Variants in SLC25A12 observed in about 807,000 individuals in gnomAD.
SLC25A12 encodes the protein electrogenic aspartate/glutamate antiporter SLC25A12, mitochondrial.
In SLC25A12, 32 loss-of-function variants were observed where a neutral mutation model predicts 83.3. The observed-to-expected ratio is 0.38, with a 90% confidence interval of 0.29 to 0.52. The LOEUF is 0.52. Ranked by LOEUF, SLC25A12 falls within the 20% of genes least tolerant of loss-of-function variation. The pLI, the probability that SLC25A12 is intolerant of heterozygous loss-of-function variation, is 0.84. For synonymous variants in SLC25A12, 267 were observed against 291.1 expected, an observed-to-expected ratio of 0.92 and a Z score of 0.84; for missense variants, 611 against 835.6, an observed-to-expected ratio of 0.73 and a Z score of 3.31.
chr2:171,868,315 T>A (rs867236728), intron 3 of SLC25A12, among the ~76,000 whole-genome samples: 1 of 147,334 alleles, frequency 6.8e-6, no homozygotes, highest in Middle Eastern at 3.5e-3. Context: ...TTTTTAATTT[T>A]TTTTTTTTTT....
At chr2:171,865,260 T>C (rs1685261584) in intron 3 of SLC25A12, among the ~76,000 whole-genome samples, 1 of 152,118 alleles carries the variant, frequency 6.6e-6, no homozygotes, top group Non-Finnish European at 1.5e-5. Context: ...CCGTGAAATA[T>C]TTTTTCGAAA....
chr2:171,866,582 G>C (rs1253544053), intron 3 of SLC25A12, among the ~76,000 whole-genome samples: 8 of 132,470 alleles, frequency 6.0e-5, no homozygotes, highest in South Asian at 2.4e-4. Flanking sequence ...CTGGCCGGGC[G>C]GGGGGCTGAC....
chr2:171,838,157 T>TA (rs1447808175), intron 5 of SLC25A12, among the ~76,000 whole-genome samples: 2 of 152,250 alleles, frequency 1.3e-5, no homozygotes, highest in African/African-American at 4.8e-5. Flanking sequence ...TAGTCATATC[T>TA]AAGTATATAC....
At chr2:171,786,246 C>T (rs1335098930) in intron 17 of SLC25A12, among the ~76,000 whole-genome samples, 1 of 150,970 alleles carries the variant, frequency 6.6e-6, no homozygotes, top group African/African-American at 2.4e-5. Context: ...TAGCCAGGCG[C>T]GGTGGTGGGC....
intron 2 of SLC25A12, among the ~76,000 whole-genome samples, chr2:171,885,548 T>C (rs1047802676): frequency 6.6e-6 from 1 of 151,948 alleles, no homozygotes; most frequent in African/African-American, 2.4e-5. Flanking sequence ...GGCATGTGTC[T>C]GTAATCCCAG....
Position 171,784,941 on chromosome 2 carries a change from G to A in SLC25A12, c.*333C>T, listed in dbSNP as rs1223156567. On this transcript the variant is annotated 3_prime_UTR_variant, in exon 18 of 18. Transcript: ENST00000422440. ...TACATTTCTACAAATGTGATTTGTTGGGATGAGGTGCCAAGATGTCTCTGT... is the reference window on the plus strand; with the variant it reads ...TACATTTCTACAAATGTGATTTGTTAGGATGAGGTGCCAAGATGTCTCTGT... 3.2e-6 allele frequency: 1 copy of A among 308,948 alleles called. No homozygotes were observed. Among genetic ancestry groups the A allele is most frequent in the Non-Finnish European group, 6.3e-6 (1 of 158,100 alleles). The allele number at this position is 308,948 out of a possible 1,614,324, so 19.1% of individuals were successfully genotyped here.
In SLC25A12 at chr2:171,791,512, A is replaced by T. The variant is rs1351608711; in HGVS notation, c.1524T>A (p.Leu508=). 1 of 1,613,896 alleles carries T rather than the reference A, an allele frequency of 6.2e-7. No homozygotes were observed. The highest frequency in any genetic ancestry group is 8.5e-7 in the Non-Finnish European group (1 of 1,179,870). Residue 508 remains leucine (L), a synonymous_variant, in exon 15 of 18, where the codon CTT becomes CTA. Coordinates refer to ENST00000422440, the MANE Select transcript of SLC25A12 (RefSeq NM_003705.5). The part of the protein sequence containing the change: ...YFPVYAHCKL[L]LADENGHVGG... ...CCACGTGTCCATTTTCATCAGCCAG[A>T]AGTAGTTTGCAATGAGCATAAACAG...
At chr2:171,876,488 T>C (rs747051698) in intron 2 of SLC25A12, among the ~76,000 whole-genome samples, 4 of 145,500 alleles carry the variant, frequency 2.7e-5, no homozygotes, top group Non-Finnish European at 4.5e-5. Context: ...AAAGAAAAGC[T>C]GGTACCTCAA....
At chr2:171,873,140 A>G (rs942159120) in intron 2 of SLC25A12, among the ~76,000 whole-genome samples, 1 of 152,160 alleles carries the variant, frequency 6.6e-6, no homozygotes, top group Non-Finnish European at 1.5e-5. Context: ...GAGACTGGTA[A>G]GTGGCTATTA....
At chr2:171,870,837 GT>G (rs1367572644) in intron 2 of SLC25A12, among the ~76,000 whole-genome samples, 1 of 152,198 alleles carries the variant, frequency 6.6e-6, no homozygotes, top group Non-Finnish European at 1.5e-5. Context: ...ATGATTGTTG[GT>G]TTGCTTTCTA....
chr2:171,892,169 A>G (rs1300834585), intron 2 of SLC25A12, among the ~76,000 whole-genome samples: 3 of 152,242 alleles, frequency 2.0e-5, no homozygotes, highest in African/African-American at 4.8e-5. Context: ...AAAGTTCTCA[A>G]AAGATTTCAG....
chr2:171,834,044 T>C lies in SLC25A12; in HGVS notation c.764A>G (p.Gln255Arg). ...GACTTGTCCATAGCGTATGGCACTC[T>C]GGGCAAATTCCTCTGGAACAGAGAA... ...DVEVTKEEFA[Q>R]SAIRYGQVTP... The change falls in exon 8 of 18, where the codon CAG becomes CGG. Residue 255 changes from glutamine (Q) to arginine (R), a missense_variant. Gln to Arg is a conservative substitution (Grantham distance 43, BLOSUM62 1). Coordinates refer to ENST00000422440, the MANE Select transcript of SLC25A12 (RefSeq NM_003705.5). 1.2e-6 allele frequency: 2 copies of C among 1,603,438 alleles called. No individual in the cohort carries two copies. Among genetic ancestry groups the C allele is most frequent in the Non-Finnish European group, 1.7e-6 (2 of 1,170,492 alleles).
intron 13 of SLC25A12, among the ~76,000 whole-genome samples, chr2:171,794,237 T>G (rs1219388659): frequency 6.6e-6 from 1 of 152,232 alleles, no homozygotes; most frequent in African/African-American, 2.4e-5. Context: ...ACCCACTTGC[T>G]TCTGCTTCCT....
intron 13 of SLC25A12, among the ~76,000 whole-genome samples, chr2:171,796,659 G>A (rs1683603275): frequency 6.6e-6 from 1 of 151,002 alleles, no homozygotes; most frequent in Non-Finnish European, 1.5e-5. Flanking sequence ...TTTTTTTTTA[G>A]TAATTAGTAT....
In SLC25A12 at chr2:171,865,141, T is replaced by A. The variant is rs1685259184; in HGVS notation, c.209+3540A>T. Among the ~76,000 whole-genome samples, 3 of 152,250 alleles carry A rather than the reference T, an allele frequency of 2.0e-5. 1 individual carries two copies. In the Middle Eastern group the frequency reaches 0.01, roughly 518 times the overall value. On this transcript the variant is annotated intron_variant, in intron 3 of 17. Transcript: ENST00000422440. Reference sequence around the variant, plus strand: ...TTAATAATTCCAGCACCAAGAACAGTACCTGAGGCATAGCAGGCACTCAAT... The same window carrying A: ...TTAATAATTCCAGCACCAAGAACAGAACCTGAGGCATAGCAGGCACTCAAT...
At chr2:171,869,976 TC>T (rs1685424464) in intron 2 of SLC25A12, among the ~76,000 whole-genome samples, 1 of 152,240 alleles carries the variant, frequency 6.6e-6, no homozygotes, top group Admixed American at 6.5e-5. Flanking sequence ...TGCTTTTTTT[TC>T]CCTCAGCACC....
chr2:171,868,400 A>C (rs1392003372), intron 3 of SLC25A12, among the ~76,000 whole-genome samples: 8 of 135,482 alleles, frequency 5.9e-5, no homozygotes, highest in African/African-American at 2.2e-4. Context: ...CACAACCTCC[A>C]CCTCCCGGAT....
intron 6 of SLC25A12, among the ~76,000 whole-genome samples, chr2:171,836,860 T>C (rs900439850): frequency 6.6e-6 from 1 of 151,130 alleles, no homozygotes; most frequent in African/African-American, 2.4e-5. Context: ...AGCAAGATGG[T>C]GGCTCTGAAT....
intron 4 of SLC25A12, chr2:171,845,616 T>C (rs1162767020): frequency 5.4e-6 from 1 of 186,692 alleles, no homozygotes; most frequent in African/African-American, 2.4e-5. Flanking sequence ...TGATCTCATA[T>C]TGTAAATGGT....
Sources: allele counts gnomAD v4.1 joint callset (sites outside exome capture counted in the v4.1 genomes callset), GRCh38; gene constraint gnomAD v4.1.1; transcripts MANE v1.5; gene names NCBI Gene and HGNC (gene_info 2026-07-23, HGNC 2026-07-21).